The following NRXN3 variants were observed in gnomAD, a reference collection of about 807,000 sequenced individuals.
NRXN3 encodes neurexin 3.
Under a neutral mutation model 137.6 loss-of-function variants are expected in NRXN3, and 32 were observed. That is an observed-to-expected ratio of 0.23 (90% confidence interval 0.18 to 0.31). NRXN3 has a LOEUF of 0.31. Ranked by LOEUF, NRXN3 falls within the 10% of genes least tolerant of loss-of-function variation. The pLI is 1.00. For synonymous variants in NRXN3, 798 were observed against 784.5 expected, an observed-to-expected ratio of 1.02 and a Z score of -0.29; for missense variants, 1,574 against 2,062.5, an observed-to-expected ratio of 0.76 and a Z score of 4.59.
chr14:79,496,383 G>A (rs898951564), intron 16 of NRXN3, among the ~76,000 whole-genome samples: 2 of 152,002 alleles, frequency 1.3e-5, no homozygotes, highest in African/African-American at 4.8e-5. Context: ...GATCTGTGGT[G>A]AAAATAGATT....
chr14:79,281,547 A>G (rs887031682), intron 15 of NRXN3, among the ~76,000 whole-genome samples: 3 of 151,966 alleles, frequency 2.0e-5, no homozygotes, highest in African/African-American at 7.2e-5. Context: ...ACACACAGAA[A>G]TGGAGACTGG....
intron 19 of NRXN3, among the ~76,000 whole-genome samples, chr14:79,713,478 GTATA>G (rs76633474): frequency 5.9e-5 from 8 of 135,370 alleles, no homozygotes; most frequent in Admixed American, 2.2e-4. Flanking sequence ...TATATATAAT[GTATA>G]TATATATATA....
Position 79,440,919 on chromosome 14 carries a change from T to C in NRXN3, c.3263-26302T>C, listed in dbSNP as rs76662654. On this transcript the variant is annotated intron_variant, in intron 15 of 20. Transcript: ENST00000335750. Reference sequence around the variant, plus strand: ...GGGGTAATAGGTTGCTAGATCCATATGCTATTCAGGAGACAAATTTAGTAT... The same window carrying C: ...GGGGTAATAGGTTGCTAGATCCATACGCTATTCAGGAGACAAATTTAGTAT... 1.4e-3 allele frequency among the ~76,000 whole-genome samples: 211 copies of C among 152,304 alleles called. 1 individual carries two copies. Among genetic ancestry groups the C allele is most frequent in the African/African-American group, 4.8e-3 (201 of 41,564 alleles).
intron 11 of NRXN3, among the ~76,000 whole-genome samples, chr14:78,959,440 A>G (rs1180489482): frequency 6.6e-6 from 1 of 152,218 alleles, no homozygotes; most frequent in African/African-American, 2.4e-5. Context: ...AATTTATCTT[A>G]CAATATGGGA....
intron 10 of NRXN3, among the ~76,000 whole-genome samples, chr14:78,852,256 C>T (rs891386064): frequency 3.9e-5 from 6 of 152,152 alleles, no homozygotes; most frequent in South Asian, 4.1e-4. Context: ...AATACCCTGA[C>T]GAAGCAAGCC....
intron 16 of NRXN3, among the ~76,000 whole-genome samples, chr14:79,585,687 AAAAAAAC>A (rs1364219585): frequency 0.1 from 14,867 of 145,156 alleles, 1,012 homozygotes; most frequent in South Asian, 0.21. Context: ...CCATCTTAAA[AAAAAAAC>A]AAAAAAAAAA....
At chr14:79,130,303 G>A (rs144076290) in intron 15 of NRXN3, among the ~76,000 whole-genome samples, 6,639 of 152,072 alleles carry the variant, frequency 0.044, 524 homozygotes, top group African/African-American at 0.15. Flanking sequence ...GCATGATTTT[G>A]CAGCGGCTGG....
At chr14:79,852,306 G>T (rs1379981035) in intron 20 of NRXN3, among the ~76,000 whole-genome samples, 1 of 145,218 alleles carries the variant, frequency 6.9e-6, no homozygotes, top group Non-Finnish European at 1.5e-5. Context: ...CTTCTAATTG[G>T]CAAGAAGCCT....
intron 19 of NRXN3, among the ~76,000 whole-genome samples, chr14:79,718,942 A>T (rs1469856261): frequency 6.6e-6 from 1 of 151,830 alleles, no homozygotes; most frequent in Non-Finnish European, 1.5e-5. Context: ...TCTCTCCCCC[A>T]TTCCACCTCC....
At chr14:79,253,293 A>T (rs751645934) in intron 15 of NRXN3, among the ~76,000 whole-genome samples, 1 of 152,174 alleles carries the variant, frequency 6.6e-6, no homozygotes, top group Non-Finnish European at 1.5e-5. Context: ...TCGTAGATAG[A>T]CAGGGAACCC....
intron 4 of NRXN3, among the ~76,000 whole-genome samples, chr14:78,554,182 A>G (rs1600379499): frequency 6.6e-6 from 1 of 152,178 alleles, no homozygotes; most frequent in Middle Eastern, 3.2e-3. Context: ...CTCCTAATTA[A>G]TGAGAAATTT....
chr14:78,746,116 T>G (rs1022693600), intron 8 of NRXN3, among the ~76,000 whole-genome samples: 3 of 152,236 alleles, frequency 2.0e-5, no homozygotes, highest in African/African-American at 7.2e-5. Context: ...CAGGCTTTGA[T>G]TCTAATAGCT....
chr14:79,219,587 T>C (rs1237003642), intron 15 of NRXN3, among the ~76,000 whole-genome samples: 1 of 152,216 alleles, frequency 6.6e-6, no homozygotes, highest in African/African-American at 2.4e-5. Context: ...GGCTTTCCCC[T>C]GAAGGTACAC....
chr14:79,112,836 G>A (rs2053776833), intron 15 of NRXN3, among the ~76,000 whole-genome samples: 2 of 152,188 alleles, frequency 1.3e-5, no homozygotes, highest in Admixed American at 6.5e-5. Context: ...TTGATGTGAA[G>A]TGTCATAGAA....
chr14:79,318,557 G>A (rs563422762), intron 15 of NRXN3, among the ~76,000 whole-genome samples: 12 of 152,308 alleles, frequency 7.9e-5, no homozygotes, highest in African/African-American at 2.9e-4. Context: ...AGTAATAACA[G>A]TTGCCAACCT....
intron 15 of NRXN3, among the ~76,000 whole-genome samples, chr14:79,155,404 G>A (rs1343029026): frequency 6.6e-6 from 1 of 151,834 alleles, no homozygotes; most frequent in African/African-American, 2.4e-5. Context: ...GTACGGTATT[G>A]TCATTGCACA....
chr14:79,817,181 T>C (rs890837191), intron 20 of NRXN3, among the ~76,000 whole-genome samples: 29 of 152,060 alleles, frequency 1.9e-4, no homozygotes, highest in Non-Finnish European at 3.1e-4. Flanking sequence ...GCCTCCTGAG[T>C]ATCTGGGACT....
chr14:78,761,742 A>C (rs1290075536), intron 8 of NRXN3, among the ~76,000 whole-genome samples: 1 of 152,160 alleles, frequency 6.6e-6, no homozygotes, highest in Non-Finnish European at 1.5e-5. Context: ...AAGAATTAAC[A>C]AGGATTAAGG....
intron 3 of NRXN3, 43 bp from the exon 4 acceptor site, chr14:78,297,788 C>A: frequency 7.3e-7 from 1 of 1,368,514 alleles, no homozygotes; most frequent in South Asian, 1.2e-5. Flanking sequence ...TTTCCTTACC[C>A]TTCCCCACTC....
Sources: gnomAD v4.1 joint callset for allele counts (sites outside exome capture counted in the v4.1 genomes callset) on GRCh38, gnomAD v4.1.1 for gene constraint, MANE v1.5 for transcripts, NCBI Gene and HGNC (gene_info 2026-07-23, HGNC 2026-07-21) for gene names.